Variants in ZNF664 observed in about 807,000 individuals in gnomAD.
The protein encoded by ZNF664 is zinc finger Organ of Corti 1.
ZNF664 carries 10 observed loss-of-function variants against 18.2 expected under a neutral mutation model. The observed-to-expected ratio is 0.55, with a 90% CI of 0.34 to 0.93. ZNF664 has a LOEUF of 0.93. Among genes scored for constraint, ZNF664 ranks in the 40% least tolerant of loss-of-function variants. The pLI, the probability that ZNF664 is intolerant of heterozygous loss-of-function variation, is 0.02. For missense variants in ZNF664, 193 were observed against 319.0 expected (o/e 0.61, Z 3.01); for synonymous variants, 119 against 104.2 (o/e 1.14, Z -0.86).
At chr12:124,007,190 A>T in intron 3 of ZNF664, among the ~76,000 whole-genome samples, 1 of 152,174 alleles carries the variant, frequency 6.6e-6, no homozygotes, top group East Asian at 1.9e-4. Flanking sequence ...CCGTGCAGTG[A>T]GACTTACAGA....
rs964781605 is a variant in ZNF664, at chr12:124,014,171, TGGTGGGGTGG to T, written c.*1249_*1258del. 5.5e-4 allele frequency: 26 copies of T among 47,568 alleles called. No homozygotes were observed. The highest frequency in any genetic ancestry group is 6.7e-4 in the Non-Finnish European group (12 of 17,820). The allele number at this position is 47,568 out of a possible 1,614,324, so 2.9% of individuals were successfully genotyped here. ...AAATAAACTAGGGTGATGATTTTAG[TGGTGGGGTGG>T]GGTGGGGGTGGGGTGACATTAGCTA... On this transcript the variant is annotated 3_prime_UTR_variant, in exon 5 of 5. Transcript: ENST00000337815.
intron 3 of ZNF664, among the ~76,000 whole-genome samples, chr12:123,988,816 C>T (rs896107980): frequency 6.6e-6 from 1 of 151,936 alleles, no homozygotes; most frequent in African/African-American, 2.4e-5. Flanking sequence ...ATATATAGGA[C>T]AGGTATTTGT....
intron 4 of ZNF664, 38 bp downstream of exon 4, chr12:124,011,479 T>G: frequency 6.2e-6 from 5 of 808,578 alleles, no homozygotes; most frequent in Non-Finnish European, 7.5e-6. Flanking sequence ...TAAAATTAAT[T>G]TTGGAATCAA....
At chr12:123,992,389 T>G (rs1163548638) in intron 3 of ZNF664, among the ~76,000 whole-genome samples, 2 of 152,146 alleles carry the variant, frequency 1.3e-5, no homozygotes, top group Non-Finnish European at 2.9e-5. Context: ...CTCTTTTCAG[T>G]CTGGAGCAGA....
intron 2 of ZNF664, among the ~76,000 whole-genome samples, chr12:123,982,062 T>C (rs1006622070): frequency 6.6e-6 from 1 of 152,208 alleles, no homozygotes; most frequent in South Asian, 2.1e-4. Context: ...AGTGGTCCTT[T>C]TGTCAGTCAT....
intron 3 of ZNF664, among the ~76,000 whole-genome samples, chr12:124,007,160 TA>T (rs1169749224): frequency 6.6e-6 from 1 of 152,194 alleles, no homozygotes; most frequent in Non-Finnish European, 1.5e-5. Context: ...GAATGCACCT[TA>T]ACCCCTCTCA....
chr12:124,012,703 T>G lies in ZNF664; in HGVS notation c.559T>G (p.Cys187Gly), dbSNP rs1301224005. 1.2e-6 allele frequency: 2 copies of G among 1,613,964 alleles called. No individual in the cohort carries two copies. The highest frequency in any genetic ancestry group is 1.7e-6 in the Non-Finnish European group (2 of 1,179,980). ...GKAFSQSSSL[C>G]IHQRVHTGEK... ...GGCGTTCAGTCAGAGTTCGAGCCTC[T>G]GCATCCACCAGAGAGTCCACACTGG... is the stretch of plus-strand genomic sequence containing the variant. Residue 187 changes from cysteine to glycine, a missense_variant, in exon 5 of 5, where the codon TGC becomes GGC. Transcript: ENST00000337815.
chr12:123,987,958 A>C, intron 2 of ZNF664, 85 bp from the exon 3 acceptor site: 1 of 1,228,678 alleles, frequency 8.1e-7, no homozygotes. Flanking sequence ...CCCCACGTTT[A>C]TAGTAGCTAG....
rs1957154206 is a variant in ZNF664, at chr12:124,013,282, C to T, written c.*352C>T. The T allele has an allele frequency of 3.6e-6, 1 of 278,734 alleles. No individual in the cohort carries two copies. The highest frequency in any genetic ancestry group is 7.2e-6 in the Non-Finnish European group (1 of 139,542). The allele number at this position is 278,734 out of a possible 1,614,324, so 17.3% of individuals were successfully genotyped here. A position where few individuals can be genotyped will look rare whatever the true frequency, so the allele number is the denominator to read the frequency against. On this transcript the variant is annotated 3_prime_UTR_variant, in exon 5 of 5. Transcript: ENST00000337815. ...TATCTATACTTTGCTTAAAAGCTAT[C>T]CCAGATACTCCCCCTTGAGGAGCTC...
At chr12:123,975,597 T>A (rs1473602843) in intron 2 of ZNF664, among the ~76,000 whole-genome samples, 1 of 152,066 alleles carries the variant, frequency 6.6e-6, no homozygotes, top group Non-Finnish European at 1.5e-5. Flanking sequence ...CCTGGCTGAT[T>A]TATTTTATTT....
At position 124,003,789 on chromosome 12, in the gene ZNF664, G is replaced by A. The variant is rs1957040409; in HGVS notation, c.-660-7592G>A. Among the ~76,000 whole-genome samples the A allele has an allele frequency of 2.0e-5, 3 of 152,178 alleles. No homozygotes were observed. The South Asian group carries it at 6.2e-4, about 31-fold the overall frequency. ...GAAGATGGGAGATTTGAAGAGAAAGGAGAATGATGAAGTAGCAATTTAAAG... is the reference window on the plus strand; with the variant it reads ...GAAGATGGGAGATTTGAAGAGAAAGAAGAATGATGAAGTAGCAATTTAAAG... On this transcript the variant is annotated intron_variant, in intron 3 of 4. Transcript: ENST00000337815.
At chr12:123,988,935 G>T (rs562558685) in intron 3 of ZNF664, among the ~76,000 whole-genome samples, 1 of 152,142 alleles carries the variant, frequency 6.6e-6, no homozygotes, top group Non-Finnish European at 1.5e-5. Context: ...TCCATGCATA[G>T]CTGGGCAGGA....
intron 3 of ZNF664, among the ~76,000 whole-genome samples, chr12:124,009,828 A>G (rs1041731620): frequency 2.0e-5 from 3 of 150,922 alleles, no homozygotes; most frequent in Admixed American, 2.0e-4. Flanking sequence ...AGTTTATTTT[A>G]TATATTACCT....
chr12:124,012,430 T>A lies in ZNF664; in HGVS notation c.286T>A (p.Phe96Ile). 6.2e-7 allele frequency: 1 copy of A among 1,614,212 alleles called. No homozygotes were observed. Residue 96 changes from phenylalanine to isoleucine, a missense_variant, in exon 5 of 5, where the codon TTC (phenylalanine) becomes ATC (isoleucine). By Grantham distance (21) the Phe-to-Ile change is conservative. Coordinates refer to ENST00000337815, the MANE Select transcript of ZNF664 (RefSeq NM_152437.3). The stretch of plus-strand genomic sequence containing the variant: ...TAAATGTTACGAGTGTGGCAAAGCC[T>A]TCAATTGGAGCTCCCATCTTCAAAT... The part of the protein sequence containing the change: ...PYKCYECGKA[F>I]NWSSHLQIHM...
intron 2 of ZNF664, 88 bp downstream of exon 2, chr12:123,974,108 C>T: frequency 1.0e-6 from 1 of 986,314 alleles, no homozygotes; most frequent in South Asian, 5.1e-5. Flanking sequence ...CTGCAGTTTT[C>T]TCACTGTCCC....
chr12:123,982,785 A>C (rs1309784711), intron 2 of ZNF664, among the ~76,000 whole-genome samples: 1 of 152,236 alleles, frequency 6.6e-6, no homozygotes, highest in Non-Finnish European at 1.5e-5. Context: ...CAGTAGTTTC[A>C]AACGGCCTAG....
chr12:124,007,337 C>T (rs1432440460), intron 3 of ZNF664, among the ~76,000 whole-genome samples: 1 of 152,190 alleles, frequency 6.6e-6, no homozygotes, highest in Non-Finnish European at 1.5e-5. Context: ...GTTGGACTCT[C>T]CTGAGGCTAG....
chr12:124,008,711 A>G (rs1384115371), intron 3 of ZNF664, among the ~76,000 whole-genome samples: 4 of 151,972 alleles, frequency 2.6e-5, no homozygotes, highest in African/African-American at 2.4e-5. Flanking sequence ...CCCATTCTCT[A>G]CAGTCATTAT....
At chr12:123,985,200 T>G (rs750433367) in intron 2 of ZNF664, among the ~76,000 whole-genome samples, 30 of 152,200 alleles carry the variant, frequency 2.0e-4, no homozygotes, top group Non-Finnish European at 1.5e-4. Context: ...CACTTATCTG[T>G]GCATATGAAA....
Sources: allele counts gnomAD v4.1 joint callset (sites outside exome capture counted in the v4.1 genomes callset), GRCh38; gene constraint gnomAD v4.1.1; transcripts MANE v1.5; gene names NCBI Gene and HGNC (gene_info 2026-07-23, HGNC 2026-07-21).